The following ZBTB20 variants were observed in gnomAD, a reference collection of about 807,000 sequenced individuals.
The protein encoded by ZBTB20 is zinc finger and BTB domain-containing protein 20.
Under a neutral mutation model 56.9 loss-of-function variants are expected in ZBTB20, and 9 were observed. The observed-to-expected ratio is 0.16, with a 90% CI of 0.10 to 0.28. The LOEUF (loss-of-function observed/expected upper bound fraction) is 0.28. Ranked by LOEUF, ZBTB20 falls within the 10% of genes least tolerant of loss-of-function variation. The pLI, the probability that ZBTB20 is intolerant of heterozygous loss-of-function variation, is 1.00. For synonymous variants in ZBTB20, 417 were observed against 420.7 expected (o/e 0.99, Z 0.11); for missense variants, 655 against 1,003.0 (o/e 0.65, Z 4.69).
chr3:114,437,281 A>C (rs1037748597), intron 7 of ZBTB20, among the ~76,000 whole-genome samples: 1 of 152,168 alleles, frequency 6.6e-6, no homozygotes, highest in Non-Finnish European at 1.5e-5. Context: ...GTCATGGTTT[A>C]TCAAAAATGC....
intron 6 of ZBTB20, among the ~76,000 whole-genome samples, chr3:114,627,427 C>T (rs1192981417): frequency 5.9e-5 from 9 of 152,128 alleles, no homozygotes; most frequent in Admixed American, 4.6e-4. Flanking sequence ...ATGAGATTAT[C>T]AGAATACAAG....
chr3:114,629,653 T>C (rs562378367), intron 6 of ZBTB20, among the ~76,000 whole-genome samples: 2 of 152,288 alleles, frequency 1.3e-5, no homozygotes, highest in African/African-American at 2.4e-5. Context: ...TAATCTGTTC[T>C]ATAAAAAGAT....
At chr3:114,792,534 A>G (rs986229065) in intron 5 of ZBTB20, among the ~76,000 whole-genome samples, 3 of 152,180 alleles carry the variant, frequency 2.0e-5, no homozygotes, top group Non-Finnish European at 4.4e-5. Flanking sequence ...TAAAATTGTT[A>G]TGTATACTGA....
At chr3:114,585,232 G>C (rs2055058925) in intron 6 of ZBTB20, among the ~76,000 whole-genome samples, 1 of 152,068 alleles carries the variant, frequency 6.6e-6, no homozygotes, top group Non-Finnish European at 1.5e-5. Context: ...GTCCTAGAGA[G>C]GGCTGCTTAA....
intron 5 of ZBTB20, among the ~76,000 whole-genome samples, chr3:114,722,483 G>T (rs1368734167): frequency 6.6e-6 from 1 of 152,108 alleles, no homozygotes; most frequent in Admixed American, 6.5e-5. Context: ...AAATTATTTT[G>T]AAAGTAAAAA....
chr3:114,755,279 G>A (rs146553676), intron 5 of ZBTB20, among the ~76,000 whole-genome samples: 13 of 152,188 alleles, frequency 8.5e-5, no homozygotes, highest in South Asian at 2.1e-4. Context: ...AAAATTACCC[G>A]TGAAAAGAAT....
At chr3:115,084,731 C>T (rs914727018) in intron 1 of ZBTB20, among the ~76,000 whole-genome samples, 2 of 151,882 alleles carry the variant, frequency 1.3e-5, no homozygotes, top group African/African-American at 4.8e-5. Context: ...CTGCAGAAAG[C>T]GTCCCAAGAA....
At chr3:114,477,572 C>T (rs1425202855) in intron 7 of ZBTB20, among the ~76,000 whole-genome samples, 6 of 150,558 alleles carry the variant, frequency 4.0e-5, no homozygotes, top group East Asian at 2.0e-4. Flanking sequence ...CTCAGCTCAC[C>T]GCAACCTCTG....
intron 8 of ZBTB20, among the ~76,000 whole-genome samples, chr3:114,386,619 CTT>C (rs958939300): frequency 6.6e-6 from 1 of 152,130 alleles, no homozygotes; most frequent in African/African-American, 2.4e-5. Context: ...TGACCTCTCT[CTT>C]CCCCCACTTT....
chr3:114,376,714 A>T (rs1000238005), intron 10 of ZBTB20, among the ~76,000 whole-genome samples: 1 of 152,218 alleles, frequency 6.6e-6, no homozygotes, highest in Non-Finnish European at 1.5e-5. Flanking sequence ...AAAAATAAAT[A>T]AAAACTGTTC....
intron 7 of ZBTB20, among the ~76,000 whole-genome samples, chr3:114,470,021 T>C (rs1007442425): frequency 2.0e-5 from 3 of 152,168 alleles, no homozygotes; most frequent in African/African-American, 4.8e-5. Context: ...TCTCAACTTA[T>C]CTAAAATGCT....
At chr3:114,939,062 G>A (rs2107842540) in intron 3 of ZBTB20, among the ~76,000 whole-genome samples, 1 of 145,688 alleles carries the variant, frequency 6.9e-6, no homozygotes, top group Admixed American at 6.6e-5. Context: ...GTTTCAGGGT[G>A]AATGTTGTGG....
chr3:115,003,146 T>C (rs1342930648), intron 2 of ZBTB20, among the ~76,000 whole-genome samples: 1 of 151,564 alleles, frequency 6.6e-6, no homozygotes, highest in African/African-American at 2.4e-5. Flanking sequence ...GGTTTGGAAA[T>C]GGGGAGGGAT....
At chr3:115,039,718 TAAG>T (rs967804504) in intron 2 of ZBTB20, among the ~76,000 whole-genome samples, 1 of 152,088 alleles carries the variant, frequency 6.6e-6, no homozygotes, top group Non-Finnish European at 1.5e-5. Flanking sequence ...TTTCCCAATT[TAAG>T]AAGAAGTTTA....
intron 7 of ZBTB20, among the ~76,000 whole-genome samples, chr3:114,476,268 T>C (rs999019451): frequency 4.6e-5 from 7 of 152,268 alleles, no homozygotes; most frequent in Non-Finnish European, 8.8e-5. Context: ...ATAATACAAA[T>C]ATGTCTAACA....
intron 7 of ZBTB20, among the ~76,000 whole-genome samples, chr3:114,448,018 G>A (rs115973561): frequency 6.4e-4 from 97 of 152,288 alleles, no homozygotes; most frequent in Non-Finnish European, 8.4e-4. Context: ...AAATGTCTCA[G>A]ACAGTTGAAG....
chr3:114,404,100 G>T (rs189017963), intron 7 of ZBTB20, among the ~76,000 whole-genome samples: 128 of 152,238 alleles, frequency 8.4e-4, no homozygotes, highest in Admixed American at 1.6e-3. Context: ...TTAGGTTTCT[G>T]GACTCAAGAA....
At chr3:114,829,301 T>A (rs968399891) in intron 4 of ZBTB20, among the ~76,000 whole-genome samples, 5 of 151,876 alleles carry the variant, frequency 3.3e-5, no homozygotes, top group African/African-American at 4.8e-5. Flanking sequence ...AATGAAGAGA[T>A]ATAATTATTT....
chr3:114,660,351 C>T (rs1010840786), intron 6 of ZBTB20, among the ~76,000 whole-genome samples: 7 of 152,182 alleles, frequency 4.6e-5, no homozygotes, highest in Middle Eastern at 3.4e-3. Context: ...CACGTCAGGT[C>T]GAATGGGATG....
Sources: allele counts gnomAD v4.1 joint callset (sites outside exome capture counted in the v4.1 genomes callset), GRCh38; gene constraint gnomAD v4.1.1; transcripts MANE v1.5; gene names NCBI Gene and HGNC (gene_info 2026-07-23, HGNC 2026-07-21).